Variants in SI observed in about 807,000 individuals in gnomAD.
The protein encoded by SI is sucrase-isomaltase, intestinal.
SI carries 235 observed loss-of-function variants against 253.3 expected under a neutral mutation model. That is an observed-to-expected ratio of 0.93 (90% CI 0.83 to 1.03). The LOEUF (loss-of-function observed/expected upper bound fraction) is 1.03. SI is among the 50% of genes least tolerant of loss of function. The pLI is 0.00. For missense variants in SI, 2,442 were observed against 2,211.1 expected (o/e 1.10, Z -2.09); for synonymous variants, 819 against 712.0 (o/e 1.15, Z -2.39).
chr3:165,002,332 T>G (rs2108146327), intron 37 of SI, among the ~76,000 whole-genome samples: 1 of 151,896 alleles, frequency 6.6e-6, no homozygotes, highest in East Asian at 1.9e-4. Context: ...AGGATTTCTA[T>G]ATGAAGCTTT....
chr3:165,006,390 G>A (rs538881446), intron 37 of SI, among the ~76,000 whole-genome samples: 19 of 152,270 alleles, frequency 1.2e-4, no homozygotes, highest in African/African-American at 3.4e-4. Flanking sequence ...GATTACAGGC[G>A]TGAGCCACTG....
chr3:165,078,922 A>G (rs1432103289), upstream of SI, among the ~76,000 whole-genome samples: 1 of 151,562 alleles, frequency 6.6e-6, no homozygotes, highest in East Asian at 1.9e-4. Flanking sequence ...ATAAAAAGTA[A>G]TGATTAAATA....
At chr3:164,998,708 A>G in intron 37 of SI, 35 bp from the exon 38 acceptor site, 3 of 1,576,874 alleles carry the variant, frequency 1.9e-6, no homozygotes, top group South Asian at 2.2e-5. Flanking sequence ...GAGTTTTTAC[A>G]TGAGATATTT....
upstream of SI, among the ~76,000 whole-genome samples, chr3:165,081,143 A>G (rs1329463324): frequency 6.6e-6 from 1 of 152,072 alleles, no homozygotes; most frequent in Non-Finnish European, 1.5e-5. Flanking sequence ...AATGTATTCA[A>G]TTATAAGCAT....
intron 37 of SI, among the ~76,000 whole-genome samples, chr3:165,000,694 C>T (rs1018565017): frequency 5.9e-5 from 9 of 151,434 alleles, no homozygotes; most frequent in Non-Finnish European, 1.2e-4. Flanking sequence ...GTATTTGACG[C>T]CACTAAAGAT....
chr3:165,053,457 A>G (rs992099101), intron 13 of SI, among the ~76,000 whole-genome samples: 1 of 152,202 alleles, frequency 6.6e-6, no homozygotes, highest in African/African-American at 2.4e-5. Flanking sequence ...TAGCAGTGTG[A>G]TATGGCAAGT....
intron 25 of SI, among the ~76,000 whole-genome samples, chr3:165,029,603 T>TATATATGTATATATATGTATATATATAC (rs1712125711): frequency 6.9e-6 from 1 of 145,106 alleles, no homozygotes. Context: ...TATATATACA[T>TATATATGTATATATATGTATATATATAC]ATATATGTAT....
chr3:165,029,016 A>G (rs1305706521), intron 25 of SI, among the ~76,000 whole-genome samples: 1 of 151,570 alleles, frequency 6.6e-6, no homozygotes, highest in Admixed American at 6.6e-5. Context: ...AATCTTCACC[A>G]TCTATACATC....
At chr3:164,984,087 A>C (rs1226521452) in intron 45 of SI, among the ~76,000 whole-genome samples, 1 of 152,182 alleles carries the variant, frequency 6.6e-6, no homozygotes, top group Non-Finnish European at 1.5e-5. Flanking sequence ...AAGTAAAAAA[A>C]CAAAAAAGCT....
In SI at chr3:165,059,789, T is replaced by C. The variant is rs1713898063; in HGVS notation, c.1146+113A>G. The C allele has an allele frequency of 4.5e-6, 5 of 1,113,124 alleles. No homozygotes were observed. The Admixed American group carries it at 9.4e-5, about 21-fold the overall frequency. 69.0% of individuals were successfully genotyped at this position (1,113,124 alleles called of 1,614,324 possible). A position where few individuals can be genotyped will look rare whatever the true frequency, so the allele number is the denominator to read the frequency against. ...ACTTTACAATTAAAAGGCAGCCTCT[T>C]AATTATATGATATAATGTATATAGT... On this transcript the variant is annotated intron_variant, in intron 10 of 47. Transcript: ENST00000264382.
Position 165,033,566 on chromosome 3 carries a change from CCAAA to C in SI, c.2516-126_2516-123del, listed in dbSNP as rs374529001. The C allele has an allele frequency of 1.1e-3, 1,010 of 957,680 alleles. 7 individuals carry two copies. In the African/African-American group the frequency reaches 0.015, roughly 15 times the overall value. 59.3% of individuals were successfully genotyped at this position (957,680 alleles called of 1,614,324 possible). ...AGATGCTGTTTATTAATGAAGCATCCCAAACAGATTTTGTTTTTAAATTTTTTAA... is the reference window on the plus strand; with the variant it reads ...AGATGCTGTTTATTAATGAAGCATCCCAGATTTTGTTTTTAAATTTTTTAA... On this transcript the variant is annotated intron_variant, in intron 22 of 47. Coordinates refer to ENST00000264382, the MANE Select transcript of SI (RefSeq NM_001041.4).
chr3:165,007,213 A>G (rs541108918), intron 36 of SI, among the ~76,000 whole-genome samples: 18 of 152,240 alleles, frequency 1.2e-4, no homozygotes, highest in African/African-American at 4.1e-4. Flanking sequence ...GTGCATTTAG[A>G]TGGAAAACAC....
At chr3:165,086,429 T>C in the SI span, among the ~76,000 whole-genome samples, 1 of 152,288 alleles carries the variant, frequency 6.6e-6, no homozygotes, top group East Asian at 1.9e-4. Context: ...CATCAAGACA[T>C]GCTTTAATGA....
intron 24 of SI, among the ~76,000 whole-genome samples, chr3:165,031,447 T>C (rs545358873): frequency 6.7e-6 from 1 of 149,294 alleles, no homozygotes; most frequent in South Asian, 2.1e-4. Context: ...TAAAATTATT[T>C]TTTATTATTC....
At chr3:165,016,537 G>A (rs1453217389) in intron 31 of SI, among the ~76,000 whole-genome samples, 2 of 151,884 alleles carry the variant, frequency 1.3e-5, no homozygotes, top group Admixed American at 1.3e-4. Flanking sequence ...GGCAAAAGGA[G>A]TATTAACAAT....
At chr3:165,018,622 G>A (rs1719156440) in intron 28 of SI, among the ~76,000 whole-genome samples, 1 of 150,420 alleles carries the variant, frequency 6.6e-6, no homozygotes. Flanking sequence ...GATTTTATTA[G>A]ATTATATACT....
chr3:165,073,170 TTCTCTCTCTCTCTCTCTCTCTCTCTC>T (rs59796544), intron 3 of SI, among the ~76,000 whole-genome samples: 44,732 of 132,082 alleles, frequency 0.34, 7,863 homozygotes, highest in East Asian at 0.66. Flanking sequence ...CTTCAATCAT[TTCTCTCTCTCTCTCTCTCTCTCTCTC>T]TCTCTCTCTC....
chr3:164,982,056 T>C (rs1717214070), intron 47 of SI, among the ~76,000 whole-genome samples, 187 bp downstream of exon 47: 1 of 152,112 alleles, frequency 6.6e-6, no homozygotes, highest in Non-Finnish European at 1.5e-5. Flanking sequence ...GTCATTAGAT[T>C]GATTTGTATG....
At chr3:165,048,974 A>G (rs1367056124) in intron 15 of SI, among the ~76,000 whole-genome samples, 153 bp downstream of exon 15, 1 of 151,904 alleles carries the variant, frequency 6.6e-6, no homozygotes, top group African/African-American at 2.4e-5. Context: ...AAGAGAACTG[A>G]TATTTTGAAT....
Sources: allele counts gnomAD v4.1 joint callset (sites outside exome capture counted in the v4.1 genomes callset), GRCh38; gene constraint gnomAD v4.1.1; transcripts MANE v1.5; gene names NCBI Gene and HGNC (gene_info 2026-07-23, HGNC 2026-07-21).